The following USP31 variants were observed in gnomAD, a reference collection of about 807,000 sequenced individuals.
USP31 encodes the protein ubiquitin specific peptidase 31.
In USP31, 44 loss-of-function variants were observed where a neutral mutation model predicts 119.4. The observed-to-expected ratio is 0.37, with a 90% CI of 0.29 to 0.47. The LOEUF (loss-of-function observed/expected upper bound fraction) is 0.47, where lower values mean the gene tolerates loss of function less well. Ranked by LOEUF, USP31 falls within the 20% of genes least tolerant of loss-of-function variation. The pLI, the probability that USP31 is intolerant of heterozygous loss-of-function variation, is 0.99. For synonymous variants in USP31, 749 were observed against 705.6 expected (o/e 1.06, Z -0.97); for missense variants, 1,643 against 1,730.2 (o/e 0.95, Z 0.89).
intron 1 of USP31, among the ~76,000 whole-genome samples, chr16:23,117,567 C>A (rs1596723816): frequency 6.6e-6 from 1 of 152,030 alleles, no homozygotes; most frequent in African/African-American, 2.4e-5. Flanking sequence ...GTGGATTCAG[C>A]CAGACAAACA....
At chr16:23,115,849 AGTTGG>A in intron 1 of USP31, 1 of 860,628 alleles carries the variant, frequency 1.2e-6, no homozygotes, top group Non-Finnish European at 1.4e-6. Context: ...AAAAAAAAAG[AGTTGG>A]AAACATGGGT....
At chr16:23,129,188 A>G (rs1053128388) in intron 1 of USP31, among the ~76,000 whole-genome samples, 6 of 152,216 alleles carry the variant, frequency 3.9e-5, no homozygotes, top group Non-Finnish European at 8.8e-5. Context: ...TACTAGACAA[A>G]CACGCATTCA....
chr16:23,077,595 C>A (rs1484645955), intron 13 of USP31, among the ~76,000 whole-genome samples: 2 of 152,156 alleles, frequency 1.3e-5, no homozygotes, highest in Non-Finnish European at 2.9e-5. Context: ...TCTCTCCCTA[C>A]CTTTATAAAT....
At chr16:23,145,674 T>C (rs1038963092) in intron 1 of USP31, among the ~76,000 whole-genome samples, 3 of 152,138 alleles carry the variant, frequency 2.0e-5, no homozygotes, top group African/African-American at 7.2e-5. Flanking sequence ...AAGCCAATGA[T>C]AGCTAAAAAG....
At chr16:23,094,514 T>C (rs1448041298) in intron 6 of USP31, among the ~76,000 whole-genome samples, 1 of 152,138 alleles carries the variant, frequency 6.6e-6, no homozygotes, top group African/African-American at 2.4e-5. Context: ...AGCATGGCAT[T>C]TGAGCTCTGA....
chr16:23,141,595 T>C (rs1271614219), intron 1 of USP31, among the ~76,000 whole-genome samples: 1 of 152,174 alleles, frequency 6.6e-6, no homozygotes, highest in Admixed American at 6.5e-5. Context: ...CAGGCTGGTC[T>C]TGAACTCCTG....
At chr16:23,090,891 T>C in intron 6 of USP31, 87 bp from the exon 7 acceptor site, 13 of 1,275,684 alleles carry the variant, frequency 1.0e-5, no homozygotes, top group Non-Finnish European at 1.3e-5. Context: ...ACAGAGAAAA[T>C]TTTTTTTAAA....
At chr16:23,130,354 G>C (rs1481137205) in intron 1 of USP31, among the ~76,000 whole-genome samples, 3 of 152,074 alleles carry the variant, frequency 2.0e-5, no homozygotes, top group Non-Finnish European at 4.4e-5. Context: ...GGGAGGCCAA[G>C]ATGGGAGTAT....
chr16:23,129,103 T>C (rs1902952710), intron 1 of USP31, among the ~76,000 whole-genome samples: 3 of 152,188 alleles, frequency 2.0e-5, no homozygotes, highest in Non-Finnish European at 4.4e-5. Flanking sequence ...GTATTGTATT[T>C]TACAAACAGC....
Position 23,079,956 on chromosome 16 carries a change from C to G in USP31, c.2166G>C (p.Gly722=), listed in dbSNP as rs114150447. ...TCTCACACTGCAGACCTGTGTAGTG[C>G]CCCCCTTGCATGGTGCCATGGTGAT... ...VCNHHGTMQG[G]HYTAYCKNSV... Residue 722 remains glycine, a synonymous_variant, in exon 13 of 16, where the codon GGG becomes GGC. Transcript: ENST00000219689. 2.5e-6 allele frequency: 4 copies of G among 1,610,302 alleles called. No individual in the cohort carries two copies. The highest frequency in any genetic ancestry group is 2.2e-5 in the East Asian group (1 of 44,612).
intron 1 of USP31, among the ~76,000 whole-genome samples, chr16:23,128,608 T>C (rs559978624): frequency 4.6e-5 from 7 of 152,314 alleles, no homozygotes; most frequent in South Asian, 4.1e-4. Flanking sequence ...GACAAGAGTC[T>C]CTGTAGAAGT....
chr16:23,127,955 G>GTA (rs1409167804), intron 1 of USP31, among the ~76,000 whole-genome samples: 14 of 152,266 alleles, frequency 9.2e-5, no homozygotes. Flanking sequence ...GTTGGTGGCA[G>GTA]TACTGGGATT....
In USP31 at chr16:23,085,598, C is replaced by T. The variant is rs1218922728; in HGVS notation, c.1687G>A (p.Glu563Lys). 4 of 1,613,756 alleles carry T rather than the reference C, an allele frequency of 2.5e-6. No individual in the cohort carries two copies. Among genetic ancestry groups the T allele is most frequent in the Non-Finnish European group, 2.5e-6 (3 of 1,179,890 alleles). Residue 563 changes from glutamate (E) to lysine (K), a missense_variant, in exon 10 of 16, where the codon GAG becomes AAG. This residue lies in a region of USP31 where 279 missense variants were observed against 372.2 expected (regional missense o/e 0.75). Coordinates refer to ENST00000219689, the MANE Select transcript of USP31 (RefSeq NM_020718.4). Reference sequence around the variant, plus strand: ...AAAAATACTCACAAATCTCTTGTCTCCTTGTCCCACTCGACTACTAATTTC... The same window carrying T: ...AAAAATACTCACAAATCTCTTGTCTTCTTGTCCCACTCGACTACTAATTTC... ...HVKLVVEWDK[E>K]TRDFLFVNTE...
intron 14 of USP31, 125 bp from the exon 15 acceptor site, chr16:23,072,322 A>T (rs1179201924): frequency 1.2e-5 from 16 of 1,318,812 alleles, no homozygotes; most frequent in Non-Finnish European, 1.7e-5. Context: ...CCCCGAGGTC[A>T]GCATCAATTC....
intron 1 of USP31, among the ~76,000 whole-genome samples, chr16:23,120,492 C>G (rs2141887140): frequency 1.3e-5 from 2 of 152,330 alleles, no homozygotes; most frequent in South Asian, 4.2e-4. Context: ...AAACCAACCT[C>G]TGGATCTTAA....
rs895251353 is a variant in USP31, at chr16:23,064,004, T to C, written c.*4042A>G. ...TAATGTACCCTTTATGAAATGAAAG[T>C]TAAAGACAGCCTGCACAGTAACAGC... On this transcript the variant is annotated 3_prime_UTR_variant, in exon 16 of 16. Coordinates refer to ENST00000219689, the MANE Select transcript of USP31 (RefSeq NM_020718.4). 10 of 152,606 alleles carry C rather than the reference T, an allele frequency of 6.6e-5. No homozygotes were observed. The highest frequency in any genetic ancestry group is 1.2e-4 in the Non-Finnish European group (8 of 68,022). 9.5% of individuals were successfully genotyped at this position (152,606 alleles called of 1,614,324 possible).
chr16:23,079,297 T>A (rs1900714756), intron 13 of USP31: 1 of 152,262 alleles, frequency 6.6e-6, no homozygotes, highest in South Asian at 2.1e-4. Context: ...GATGGTATTC[T>A]TTCCACCTCT....
At chr16:23,082,691 A>G (rs551828168) in intron 11 of USP31, 134 bp from the exon 12 acceptor site, 92 of 1,236,870 alleles carry the variant, frequency 7.4e-5, no homozygotes, top group Non-Finnish European at 1.0e-4. Flanking sequence ...CATCAATGGA[A>G]TAACACAATC....
At position 23,115,826 on chromosome 16, in the gene USP31, T is replaced by C. The variant is rs1902468291; in HGVS notation, c.634-7643A>G. On this transcript the variant is annotated intron_variant, in intron 1 of 15. Transcript: ENST00000219689. ...CAAAGAGAGAATGTTTTTATTTTTTTCCCTTAAAGAAAAAAAAAAAAGAGT... is the reference window on the plus strand; with the variant it reads ...CAAAGAGAGAATGTTTTTATTTTTTCCCCTTAAAGAAAAAAAAAAAAGAGT... 4 of 967,960 alleles carry C rather than the reference T, an allele frequency of 4.1e-6. No homozygotes were observed. In the South Asian group the frequency reaches 1.9e-4, roughly 47 times the overall value. The allele number at this position is 967,960 out of a possible 1,614,324, so 60.0% of individuals were successfully genotyped here.
Sources: allele counts gnomAD v4.1 joint callset (sites outside exome capture counted in the v4.1 genomes callset), GRCh38; gene constraint gnomAD v4.1.1; regional missense constraint gnomAD v4.1.1; transcripts MANE v1.5; gene names NCBI Gene and HGNC (gene_info 2026-07-23, HGNC 2026-07-21).